The following DARS1 variants were observed in gnomAD, a reference collection of about 807,000 sequenced individuals.
DARS1 encodes the protein aspartate--tRNA ligase, cytoplasmic.
DARS1 carries 51 observed loss-of-function variants against 68.8 expected under a neutral mutation model. The observed-to-expected ratio is 0.74, with a 90% CI of 0.59 to 0.94. DARS1 has a LOEUF of 0.94. Ranked by LOEUF, DARS1 falls within the 40% of genes least tolerant of loss-of-function variation. The pLI is 0.00. For synonymous variants in DARS1, 203 were observed against 190.4 expected (o/e 1.07, Z -0.55); for missense variants, 607 against 597.3 (o/e 1.02, Z -0.17).
chr2:135,979,249 G>A lies in DARS1; in HGVS notation c.217+25C>T, dbSNP rs374567648. On this transcript the variant is annotated intron_variant, in intron 3 of 15. Coordinates refer to ENST00000264161, the MANE Select transcript of DARS1 (RefSeq NM_001349.4). ...AAAATTCGGAGTCCTTACCGAAAGA[G>A]CTTTAATAATGAAACCAATCCTACC... 31 of 976,222 alleles carry A rather than the reference G, an allele frequency of 3.2e-5. No homozygotes were observed. In the African/African-American group the frequency reaches 4.1e-4, roughly 13 times the overall value. The allele number at this position is 976,222 out of a possible 1,614,324, so 60.5% of individuals were successfully genotyped here.
intron 3 of DARS1, among the ~76,000 whole-genome samples, chr2:135,962,033 G>A (rs1437794215): frequency 2.6e-5 from 4 of 152,140 alleles, no homozygotes; most frequent in Non-Finnish European, 5.9e-5. Context: ...TGACAGGCTA[G>A]TGCCTTTCAT....
intron 13 of DARS1, among the ~76,000 whole-genome samples, chr2:135,912,089 A>G (rs904846094): frequency 6.6e-5 from 10 of 152,088 alleles, no homozygotes; most frequent in Non-Finnish European, 1.3e-4. Context: ...AACCACTGCA[A>G]TGGAAAAACG....
At chr2:135,913,051 C>CTT (rs34764820) in intron 12 of DARS1, among the ~76,000 whole-genome samples, 1 of 143,622 alleles carries the variant, frequency 7.0e-6, no homozygotes, top group African/African-American at 2.5e-5. Context: ...CATTTTTTTC[C>CTT]TTTTTTTTTT....
chr2:135,913,631 G>A (rs936795613), intron 12 of DARS1, among the ~76,000 whole-genome samples: 3 of 151,856 alleles, frequency 2.0e-5, no homozygotes, highest in Non-Finnish European at 2.9e-5. Flanking sequence ...GGTGGTGGGC[G>A]CCTGTAATCC....
At chr2:135,982,782 G>C (rs183690899) in intron 2 of DARS1, among the ~76,000 whole-genome samples, 4 of 152,244 alleles carry the variant, frequency 2.6e-5, no homozygotes, top group African/African-American at 7.2e-5. Flanking sequence ...AAAGAAGCCA[G>C]AGAAGATGTA....
At chr2:135,917,657 T>C (rs1348706235) in intron 10 of DARS1, among the ~76,000 whole-genome samples, 1 of 151,998 alleles carries the variant, frequency 6.6e-6, no homozygotes, top group African/African-American at 2.4e-5. Flanking sequence ...TTTGTTACTT[T>C]TTGCAGAGAT....
At chr2:135,933,831 C>G in intron 6 of DARS1, 79 bp downstream of exon 6, 2 of 1,510,476 alleles carry the variant, frequency 1.3e-6, no homozygotes, top group Admixed American at 4.1e-5. Context: ...TCACAGACAC[C>G]CTTAGTACAT....
chr2:135,916,375 A>G lies in DARS1; in HGVS notation c.960-3T>C, dbSNP rs1681005827. On this transcript the variant is annotated splice_region_variant and splice_polypyrimidine_tract_variant and intron_variant, in intron 10 of 15. Transcript: ENST00000264161. The stretch of plus-strand genomic sequence containing the variant: ...CTGTTTGAATTTCAGTCTGAAACCT[A>G]TTTGCAGAATGATTTAGTTAATAAA... 6.7e-7 allele frequency: 1 copy of G among 1,498,716 alleles called. No homozygotes were observed. The highest frequency in any genetic ancestry group is 2.3e-5 in the East Asian group (1 of 44,332). The allele number at this position is 1,498,716 out of a possible 1,614,324, so 92.8% of individuals were successfully genotyped here.
At chr2:135,912,921 C>T (rs1447278162) in intron 12 of DARS1, among the ~76,000 whole-genome samples, 4 of 151,800 alleles carry the variant, frequency 2.6e-5, no homozygotes, top group Admixed American at 6.6e-5. Flanking sequence ...GATGGAATCT[C>T]GCTATGTTTG....
chr2:135,969,334 G>T (rs772492949), intron 3 of DARS1, among the ~76,000 whole-genome samples: 1 of 151,838 alleles, frequency 6.6e-6, no homozygotes, highest in Admixed American at 6.6e-5. Flanking sequence ...GTGCACATAC[G>T]TGCATTATAA....
chr2:135,929,585 G>A (rs1187739445), intron 7 of DARS1, among the ~76,000 whole-genome samples: 2 of 152,054 alleles, frequency 1.3e-5, no homozygotes, highest in Non-Finnish European at 2.9e-5. Flanking sequence ...ACCATACTTG[G>A]GAAAACACTG....
At chr2:135,941,109 C>T (rs997082108) in intron 5 of DARS1, among the ~76,000 whole-genome samples, 4 of 152,072 alleles carry the variant, frequency 2.6e-5, no homozygotes, top group East Asian at 1.9e-4. Flanking sequence ...AGATTCAATG[C>T]CATCCCCATC....
intron 7 of DARS1, among the ~76,000 whole-genome samples, chr2:135,926,369 T>C (rs1158717715): frequency 6.6e-6 from 1 of 152,220 alleles, no homozygotes; most frequent in African/African-American, 2.4e-5. Context: ...GGATCTGTCA[T>C]ATATAAGAAA....
chr2:135,981,736 G>A (rs931931551), intron 2 of DARS1, among the ~76,000 whole-genome samples: 3 of 149,124 alleles, frequency 2.0e-5, no homozygotes, highest in Non-Finnish European at 4.4e-5. Flanking sequence ...TGGTGTGATC[G>A]TGGCTCACCG....
intron 8 of DARS1, among the ~76,000 whole-genome samples, 158 bp from the exon 9 acceptor site, chr2:135,923,076 A>G (rs1681139544): frequency 6.6e-6 from 1 of 152,202 alleles, no homozygotes; most frequent in Admixed American, 6.5e-5. Flanking sequence ...ATCATCTTCT[A>G]TGTGATTCTA....
chr2:135,942,245 A>T (rs1681618682), intron 5 of DARS1, among the ~76,000 whole-genome samples: 1 of 152,128 alleles, frequency 6.6e-6, no homozygotes, highest in African/African-American at 2.4e-5. Context: ...CAAAAACTTG[A>T]TACCAACCCA....
At position 135,924,544 on chromosome 2, in the gene DARS1, C is replaced by T. The variant is rs745799523; in HGVS notation, c.565-46G>A. Reference sequence around the variant, plus strand: ...CTAATTAAATCAACGTACTTAATTACTAAGCACTAACTCTGTGGGCTAGGC... The same window carrying T: ...CTAATTAAATCAACGTACTTAATTATTAAGCACTAACTCTGTGGGCTAGGC... On this transcript the variant is annotated intron_variant, in intron 7 of 15. Transcript: ENST00000264161. 9 of 1,578,500 alleles carry T rather than the reference C, an allele frequency of 5.7e-6. No homozygotes were observed. In the Admixed American group the frequency reaches 1.7e-4, roughly 31 times the overall value.
chr2:135,960,438 T>C (rs970974471), intron 4 of DARS1, among the ~76,000 whole-genome samples: 1 of 152,186 alleles, frequency 6.6e-6, no homozygotes, highest in Admixed American at 6.5e-5. Flanking sequence ...AATTAGATAA[T>C]TTTTAAGTTT....
chr2:135,944,064 TATG>T (rs1308767064), intron 4 of DARS1, among the ~76,000 whole-genome samples: 2 of 152,164 alleles, frequency 1.3e-5, no homozygotes, highest in African/African-American at 2.4e-5. Flanking sequence ...AAGTTTAATA[TATG>T]ATGAGTGTAA....
Sources: allele counts gnomAD v4.1 joint callset (sites outside exome capture counted in the v4.1 genomes callset), GRCh38; gene constraint gnomAD v4.1.1; transcripts MANE v1.5; gene names NCBI Gene and HGNC (gene_info 2026-07-23, HGNC 2026-07-21).